The following PDIA2 variants were observed in gnomAD, a reference collection of about 807,000 sequenced individuals.
The protein encoded by PDIA2 is protein disulfide isomerase family A member 2, also known as protein disulfide-isomerase A2.
A neutral mutation model predicts 51.1 loss-of-function variants in PDIA2; 76 were observed. The ratio of observed to expected loss-of-function variants is 1.49; its 90% CI spans 1.24 to 1.80. The LOEUF is 1.80. Among genes scored for constraint, PDIA2 ranks in the 40% most tolerant of loss-of-function variants. The probability of loss-of-function intolerance (pLI) is 0.00; values close to 1 mark genes in which losing one functional copy is unlikely to be tolerated. For missense variants in PDIA2, 946 were observed against 706.5 expected (o/e 1.34, Z -3.84); for synonymous variants, 429 against 309.9 (o/e 1.38, Z -4.04).
rs200720054 is a variant in PDIA2 at position 283,266 on chromosome 16, C to T, written c.97C>T (p.Pro33Ser). 5 of 1,610,958 alleles carry T rather than the reference C, an allele frequency of 3.1e-6. No individual in the cohort carries two copies. The African/African-American group carries it at 4.0e-5, about 13-fold the overall frequency. ...GGGAGCGAGGAGCCCCTCGGAGGAG[C>T]CTCCAGAGGAGGAAATCCCCAAGGA... ...EQGARSPSEE[P>S]PEEEIPKEDG... The change falls in exon 1 of 11, where the codon CCT becomes TCT. Residue 33 changes from proline (P) to serine (S), a missense_variant. Pro to Ser is a moderately conservative substitution (Grantham distance 74). Coordinates refer to ENST00000219406, the MANE Select transcript of PDIA2 (RefSeq NM_006849.4).
intron 1 of PDIA2, chr16:284,018 C>T (rs1485961528): frequency 6.2e-6 from 2 of 324,764 alleles, no homozygotes; most frequent in Admixed American, 8.1e-5. Context: ...GCATACGCAA[C>T]CAATCCCGGC....
Position 284,724 on chromosome 16 carries a change from C to G in PDIA2, c.472C>G (p.Leu158Val). The G allele has an allele frequency of 4.5e-6, 7 of 1,570,030 alleles. No homozygotes were observed. The highest frequency in any genetic ancestry group is 2.3e-5 in the East Asian group (1 of 44,104). Residue 158 changes from leucine (L) to valine (V), a missense_variant, in exon 3 of 11, where the codon CTG becomes GTG. Coordinates refer to ENST00000219406, the MANE Select transcript of PDIA2 (RefSeq NM_006849.4). ...GCGGGTGGGGCCCAGTGCCATGCGG[C>G]TGGAGGACGAGGCGGCCGCCCAGGC... The part of the protein sequence containing the change: ...RRRVGPSAMR[L>V]EDEAAAQALI...
At chr16:283,510 G>GGGGCCTCCCCGCAGGCACTTGCCCC in intron 1 of PDIA2, 142 bp downstream of exon 1, 1 of 915,862 alleles carries the variant, frequency 1.1e-6, no homozygotes, top group Non-Finnish European at 1.6e-6. Context: ...GTGCCCAGGA[G>GGGGCCTCCCCGCAGGCACTTGCCCC]CTCTCTAGGA....
chr16:287,002 CTGGCAGGGGCGG>C, intron 10 of PDIA2, 55 bp from the exon 11 acceptor site: 1 of 1,611,826 alleles, frequency 6.2e-7, no homozygotes, highest in Admixed American at 1.7e-5. Context: ...TTACACAGGG[CTGGCAGGGGCGG>C]GGGCAGGGGT....
rs137974462 is a variant in PDIA2, at chr16:287,173, A to C, written c.*60A>C. ...CAGGAGCCACCCCCTTGGGTACCAGAGGGAGCTGTGCATTGTGAATAAAGA... is the reference window on the plus strand; with the variant it reads ...CAGGAGCCACCCCCTTGGGTACCAGCGGGAGCTGTGCATTGTGAATAAAGA... On this transcript the variant is annotated 3_prime_UTR_variant, in exon 11 of 11. Transcript: ENST00000219406. 4.0e-3 allele frequency: 6,412 copies of C among 1,599,220 alleles called. 35 individuals are homozygous for C. Among genetic ancestry groups the C allele is most frequent in the Non-Finnish European group, 3.4e-3 (3,978 of 1,168,268 alleles).
At chr16:285,790 C>T in intron 7 of PDIA2, 87 bp downstream of exon 7, 1 of 1,419,000 alleles carries the variant, frequency 7.0e-7, no homozygotes, top group South Asian at 1.2e-5. Flanking sequence ...GCTCTCAGAG[C>T]CCCCTGCCCC....
chr16:283,741 T>C (rs1416765261), intron 1 of PDIA2, among the ~76,000 whole-genome samples: 1 of 152,234 alleles, frequency 6.6e-6, no homozygotes, highest in Non-Finnish European at 1.5e-5. Flanking sequence ...CCCTGACGTG[T>C]GTGCCCTGTG....
Position 285,390 on chromosome 16 carries a change from G to C in PDIA2, c.874G>C (p.Glu292Gln), listed in dbSNP as rs147940951. The C allele has an allele frequency of 7.4e-6, 12 of 1,612,268 alleles. No individual in the cohort carries two copies. The highest frequency in any genetic ancestry group is 1.3e-5 in the African/African-American group (1 of 74,842). The change falls in exon 6 of 11, where the codon GAG (glutamate) becomes CAG (glutamine). Residue 292 changes from glutamate to glutamine, a missense_variant. Coordinates refer to ENST00000219406, the MANE Select transcript of PDIA2 (RefSeq NM_006849.4). ...FVNQTLAAHR[E>Q]LLAGFGEAAP... Reference sequence around the variant, plus strand: ...CAACCAGACGCTGGCTGCGCACCGGGAGCTCCTAGCGGGCTTTGGGGAGGC... The same window carrying C: ...CAACCAGACGCTGGCTGCGCACCGGCAGCTCCTAGCGGGCTTTGGGGAGGC...
intron 7 of PDIA2, among the ~76,000 whole-genome samples, 199 bp downstream of exon 7, chr16:285,902 TCCCAAC>T (rs1222154740): frequency 1.7e-4 from 7 of 42,122 alleles, no homozygotes; most frequent in Admixed American, 2.0e-4. Flanking sequence ...CCCGCGGTTC[TCCCAAC>T]CCCAACCCCG....
rs745337495 is a variant in PDIA2, at chr16:287,127, A to AC, written c.*19dup. 2 of 1,599,136 alleles carry AC rather than the reference A, an allele frequency of 1.3e-6. No individual in the cohort carries two copies. The highest frequency in any genetic ancestry group is 1.7e-5 in the Admixed American group (1 of 58,740). ...GAGGAACTGTAGCTGCCCCCGTGTC[A>AC]CCCCCGCCATCACTGCTGGACAGGA... On this transcript the variant is annotated 3_prime_UTR_variant, in exon 11 of 11. Coordinates refer to ENST00000219406, the MANE Select transcript of PDIA2 (RefSeq NM_006849.4).
chr16:286,597 G>A lies in PDIA2; in HGVS notation c.1284G>A (p.Trp428Ter), dbSNP rs2052384309. ...CTHCKEMAPA[W>*]EALAEKYQDH... is the part of the protein sequence containing the mutation. ...ACTGCAAGGAGATGGCCCCTGCCTG[G>A]GAGGCATTGGCTGAGAAGTACCAAG... The change falls in exon 9 of 11, where the codon TGG becomes TGA. Residue 428 changes from tryptophan to a stop codon, truncating the protein, a stop_gained. Transcript: ENST00000219406. LOFTEE classifies it high-confidence loss of function. 1.2e-6 allele frequency: 2 copies of A among 1,612,896 alleles called. No individual in the cohort carries two copies. Among genetic ancestry groups the A allele is most frequent in the Non-Finnish European group, 1.7e-6 (2 of 1,179,960 alleles).
chr16:286,682 G>A lies in PDIA2; in HGVS notation c.1369G>A (p.Ala457Thr), dbSNP rs777980410. Residue 457 changes from alanine (A) to threonine (T), a missense_variant, in exon 9 of 11, where the codon GCT (alanine) becomes ACT (threonine). Ala to Thr is a moderately conservative substitution (Grantham distance 58). Coordinates refer to ENST00000219406, the MANE Select transcript of PDIA2 (RefSeq NM_006849.4). The part of the protein sequence containing the change: ...DATANELDAF[A>T]VHGFPTLKYF... ...CACGGCCAACGAGCTGGATGCCTTC[G>A]CTGTGCACGGCTTCCCTACTCTCAA... 58 of 1,612,878 alleles carry A rather than the reference G, an allele frequency of 3.6e-5. No homozygotes were observed. The highest frequency in any genetic ancestry group is 3.3e-4 in the Middle Eastern group (2 of 6,062).
In PDIA2 at chr16:284,742, G is replaced by C; in HGVS notation, c.490G>C (p.Ala164Pro). 6.4e-7 allele frequency: 1 copy of C among 1,561,704 alleles called. No individual in the cohort carries two copies. Among genetic ancestry groups the C allele is most frequent in the Non-Finnish European group, 8.6e-7 (1 of 1,159,514 alleles). The change falls in exon 3 of 11, where the codon GCC (alanine) becomes CCC (proline). Residue 164 changes from alanine (A) to proline (P), a missense_variant. Coordinates refer to ENST00000219406, the MANE Select transcript of PDIA2 (RefSeq NM_006849.4). ...CATGCGGCTGGAGGACGAGGCGGCCGCCCAGGCGCTGATCGGTGGCCGGGA... is the reference window on the plus strand; with the variant it reads ...CATGCGGCTGGAGGACGAGGCGGCCCCCCAGGCGCTGATCGGTGGCCGGGA... ...SAMRLEDEAA[A>P]QALIGGRDLV...
At position 284,706 on chromosome 16, in the gene PDIA2, G is replaced by T. The variant is rs1374142072; in HGVS notation, c.454G>T (p.Gly152Trp). ...GIAEWLRRRV[G>W]PSAMRLEDEA... ...TGCCGAGTGGCTGCGACGGCGGGTG[G>T]GGCCCAGTGCCATGCGGCTGGAGGA... The change falls in exon 3 of 11, where the codon GGG becomes TGG. Residue 152 changes from glycine to tryptophan, a missense_variant. Physicochemically the swap from Gly to Trp is radical, Grantham distance 184. Transcript: ENST00000219406. 4.4e-6 allele frequency: 7 copies of T among 1,579,820 alleles called. No homozygotes were observed. The highest frequency in any genetic ancestry group is 8.6e-7 in the Non-Finnish European group (1 of 1,168,480).
rs775289625 is a variant in PDIA2, at chr16:286,891, CGG to C, written c.1483_1484del (p.Gly495ArgfsTer61). The part of the protein sequence containing the change: ...LETFSKFLDN[G>X]GVLPTEEPPE... ...AGACTTTCTCCAAGTTCCTGGACAA[CGG>C]GGGCGTGCTGCCCACGGAGGAGCCC... On this transcript the variant is annotated frameshift_variant, in exon 10 of 11. Coordinates refer to ENST00000219406, the MANE Select transcript of PDIA2 (RefSeq NM_006849.4). LOFTEE classifies it high-confidence loss of function. 1.9e-5 allele frequency: 30 copies of C among 1,603,152 alleles called. No homozygotes were observed. Among genetic ancestry groups the C allele is most frequent in the Non-Finnish European group, 2.5e-5 (30 of 1,176,556 alleles).
intron 7 of PDIA2, among the ~76,000 whole-genome samples, chr16:286,082 C>A (rs1216701347): frequency 8.5e-6 from 1 of 117,352 alleles, no homozygotes; most frequent in Non-Finnish European, 1.8e-5. Flanking sequence ...GGTCCCTCCC[C>A]CCACCAAACC....
Position 285,830 on chromosome 16 carries a change from C to T in PDIA2, c.1119+127C>T, listed in dbSNP as rs939265611. 1.8e-4 allele frequency: 196 copies of T among 1,075,168 alleles called. 1 individual carries two copies. The East Asian group carries it at 4.0e-3, about 22-fold the overall frequency. 66.6% of individuals were successfully genotyped at this position (1,075,168 alleles called of 1,614,324 possible). ...GGCCCCGCAGAGGCCCCCCTCAACC[C>T]GGCAATTCTCCCAACCCGGCGGTTC... On this transcript the variant is annotated intron_variant, in intron 7 of 10. Transcript: ENST00000219406.
Position 286,755 on chromosome 16 carries a change from G to A in PDIA2, c.1422+20G>A, listed in dbSNP as rs748783023. The A allele has an allele frequency of 2.5e-6, 4 of 1,612,730 alleles. No individual in the cohort carries two copies. The highest frequency in any genetic ancestry group is 3.4e-6 in the Non-Finnish European group (4 of 1,179,882). The stretch of plus-strand genomic sequence containing the variant: ...CGGAAGGTATGGCGGACAGGTGGCT[G>A]GGGAGGAAGCCGGGGTGCCATCTTG... On this transcript the variant is annotated intron_variant, in intron 9 of 10. Transcript: ENST00000219406.
Position 286,607 on chromosome 16 carries a change from G to A in PDIA2, c.1294G>A (p.Ala432Thr). 1.2e-6 allele frequency: 2 copies of A among 1,612,886 alleles called. No homozygotes were observed. Among genetic ancestry groups the A allele is most frequent in the Non-Finnish European group, 1.7e-6 (2 of 1,179,984 alleles). ...GATGGCCCCTGCCTGGGAGGCATTGGCTGAGAAGTACCAAGACCACGAGGA... is the reference window on the plus strand; with the variant it reads ...GATGGCCCCTGCCTGGGAGGCATTGACTGAGAAGTACCAAGACCACGAGGA... ...KEMAPAWEAL[A>T]EKYQDHEDII... The change falls in exon 9 of 11, where the codon GCT (alanine) becomes ACT (threonine). Residue 432 changes from alanine to threonine, a missense_variant. Transcript: ENST00000219406.
Sources: allele counts gnomAD v4.1 joint callset (sites outside exome capture counted in the v4.1 genomes callset), GRCh38; gene constraint gnomAD v4.1.1; transcripts MANE v1.5; gene names NCBI Gene and HGNC (gene_info 2026-07-23, HGNC 2026-07-21).